The following RYR3 variants were observed in gnomAD, a reference collection of about 807,000 sequenced individuals.
The protein encoded by RYR3 is ryanodine receptor 3, also known as brain ryanodine receptor-calcium release channel.
A neutral mutation model predicts 584.3 loss-of-function variants in RYR3; 207 were observed. That is an observed-to-expected ratio of 0.35 (90% CI 0.32 to 0.40). RYR3 has a LOEUF of 0.40. RYR3 is among the 10% of genes least tolerant of loss of function. RYR3 has a pLI of 1.00. For synonymous variants in RYR3, 2,416 were observed against 2,248.5 expected (o/e 1.07, Z -2.11); for missense variants, 5,616 against 6,089.2 (o/e 0.92, Z 2.59).
chr15:33,473,436 C>T lies in RYR3; in HGVS notation c.69C>T (p.Leu23=), dbSNP rs764265026. 1 of 1,613,886 alleles carries T rather than the reference C, an allele frequency of 6.2e-7. No individual in the cohort carries two copies. The highest frequency in any genetic ancestry group is 8.5e-7 in the Non-Finnish European group (1 of 1,179,854). Residue 23 remains leucine, a synonymous_variant, in exon 2 of 104, where the codon CTC becomes CTT. Transcript: ENST00000634891. ...QFLRTEDEVV[L]QCIATIHKEQ... is the part of the protein sequence containing the mutation. ...CCTGGCAGGAGGATGAAGTGGTACT[C>T]CAGTGCATCGCCACCATTCATAAGG... is the stretch of plus-strand genomic sequence containing the variant.
intron 1 of RYR3, among the ~76,000 whole-genome samples, chr15:33,420,248 A>G (rs969631994): frequency 6.6e-6 from 1 of 152,166 alleles, no homozygotes; most frequent in African/African-American, 2.4e-5. Flanking sequence ...GCAAAGCTTA[A>G]AAAGAAAATA....
chr15:33,850,689 C>T (rs2079041714), intron 94 of RYR3: 1 of 151,720 alleles, frequency 6.6e-6, no homozygotes, highest in African/African-American at 2.4e-5. Context: ...GTTAAGCACA[C>T]ATAAGAACAT....
intron 23 of RYR3, among the ~76,000 whole-genome samples, chr15:33,632,391 A>G (rs888571920): frequency 4.6e-5 from 7 of 152,248 alleles, no homozygotes; most frequent in African/African-American, 1.7e-4. Context: ...GTCAACTTAC[A>G]GACATTTGAG....
rs144888707 is a variant in RYR3, at chr15:33,388,632, T to C, written c.51+77536T>C. On this transcript the variant is annotated intron_variant, in intron 1 of 103. Coordinates refer to ENST00000634891, the MANE Select transcript of RYR3 (RefSeq NM_001036.6). The stretch of plus-strand genomic sequence containing the variant: ...TGCTATAAAATAAAGGAAATAGAGC[T>C]ACGCTATACCATTGGCTTCTAAGAG... Among the ~76,000 whole-genome samples, 62 of 152,318 alleles carry C rather than the reference T, an allele frequency of 4.1e-4. No individual in the cohort carries two copies. In the East Asian group the frequency reaches 0.012, roughly 29 times the overall value.
chr15:33,695,966 T>A (rs2065825529), intron 38 of RYR3, among the ~76,000 whole-genome samples: 1 of 112,852 alleles, frequency 8.9e-6, no homozygotes, highest in African/African-American at 2.8e-5. Flanking sequence ...TTTTTTTTTT[T>A]TTTTTTTTGG....
chr15:33,802,888 G>A (rs1173549677), intron 69 of RYR3, among the ~76,000 whole-genome samples: 2 of 152,182 alleles, frequency 1.3e-5, no homozygotes, highest in Admixed American at 6.5e-5. Flanking sequence ...AGTGTGCATG[G>A]GGACCCTCAG....
chr15:33,819,711 T>TA (rs755361311), intron 76 of RYR3, 45 bp from the exon 77 acceptor site: 1 of 882,342 alleles, frequency 1.1e-6, no homozygotes, highest in East Asian at 3.2e-5. Context: ...AATAAATAAA[T>TA]AAATAAATAA....
At position 33,860,731 on chromosome 15, in the gene RYR3, T is replaced by C. The variant is rs1039191582; in HGVS notation, c.14364+72T>C. 3 of 1,137,280 alleles carry C rather than the reference T, an allele frequency of 2.6e-6. No homozygotes were observed. In the African/African-American group the frequency reaches 4.7e-5, roughly 18 times the overall value. 70.4% of individuals were successfully genotyped at this position (1,137,280 alleles called of 1,614,324 possible). On this transcript the variant is annotated intron_variant, in intron 101 of 103. Transcript: ENST00000634891. Reference sequence around the variant, plus strand: ...AGAAGCAAATAGATTTTTTAAACAATAGGTTTTACTATTACTTAGGGCCAG... The same window carrying C: ...AGAAGCAAATAGATTTTTTAAACAACAGGTTTTACTATTACTTAGGGCCAG...
chr15:33,597,069 A>C (rs544282205), intron 16 of RYR3, among the ~76,000 whole-genome samples: 124 of 152,368 alleles, frequency 8.1e-4, no homozygotes, highest in African/African-American at 2.9e-3. Context: ...TACTAAATTC[A>C]AGATACAACT....
chr15:33,544,097 C>T (rs563585955), intron 8 of RYR3, among the ~76,000 whole-genome samples: 1 of 152,218 alleles, frequency 6.6e-6, no homozygotes, highest in Non-Finnish European at 1.5e-5. Flanking sequence ...AAACTGATGT[C>T]CAGCTGGAGC....
At chr15:33,863,264 G>GTATC (rs1473374694) in intron 102 of RYR3, among the ~76,000 whole-genome samples, 4 of 152,144 alleles carry the variant, frequency 2.6e-5, no homozygotes, top group African/African-American at 9.7e-5. Flanking sequence ...CAGCCCCTAC[G>GTATC]TATCAAACAG....
chr15:33,415,451 A>G (rs1012085713), intron 1 of RYR3, among the ~76,000 whole-genome samples: 2 of 152,104 alleles, frequency 1.3e-5, no homozygotes, highest in Non-Finnish European at 2.9e-5. Context: ...TAAAGATTCC[A>G]TATGTTCCAC....
At chr15:33,401,616 T>C (rs1182215487) in intron 1 of RYR3, among the ~76,000 whole-genome samples, 1 of 152,200 alleles carries the variant, frequency 6.6e-6, no homozygotes, top group East Asian at 1.9e-4. Context: ...CAAAACAGTA[T>C]GTGAACATGA....
At chr15:33,463,157 C>T (rs1366612994) in intron 1 of RYR3, among the ~76,000 whole-genome samples, 1 of 151,476 alleles carries the variant, frequency 6.6e-6, no homozygotes, top group Non-Finnish European at 1.5e-5. Context: ...GAGTGAGACC[C>T]TATCTCAAAA....
rs1264677790 is a variant in RYR3 at position 33,333,110 on chromosome 15, AC to A, written c.51+22015del. On this transcript the variant is annotated intron_variant, in intron 1 of 103. Coordinates refer to ENST00000634891, the MANE Select transcript of RYR3 (RefSeq NM_001036.6). ...AAAAAGCCCAGGACAAGATGGATTC[AC>A]AGCTGAATTCTGCCAGATGTACAAA... Among the ~76,000 whole-genome samples the A allele has an allele frequency of 8.7e-5, 13 of 150,144 alleles. No homozygotes were observed. In the East Asian group the frequency reaches 2.4e-3, roughly 27 times the overall value.
Position 33,865,287 on chromosome 15 carries a change from T to TAC in RYR3, c.*61_*62insAC. The TAC allele has an allele frequency of 8.4e-7, 1 of 1,192,490 alleles. No homozygotes were observed. The allele number at this position is 1,192,490 out of a possible 1,614,324, so 73.9% of individuals were successfully genotyped here. On this transcript the variant is annotated 3_prime_UTR_variant, in exon 104 of 104. Transcript: ENST00000634891. ...CAACTTCCCATGAAATAAAGTCCCC[T>TAC]TTTTACAGTTCTGCAACATATCTGA...
intron 16 of RYR3, among the ~76,000 whole-genome samples, chr15:33,588,107 T>C (rs1033519427): frequency 6.6e-6 from 1 of 152,236 alleles, no homozygotes; most frequent in Non-Finnish European, 1.5e-5. Context: ...TATTTTGCAC[T>C]TAACAAATGC....
Position 33,827,302 on chromosome 15 carries a change from CT to C in RYR3, c.11334+17del. The C allele has an allele frequency of 6.5e-7, 1 of 1,549,708 alleles. No homozygotes were observed. Among genetic ancestry groups the C allele is most frequent in the East Asian group, 2.4e-5 (1 of 40,934 alleles). On this transcript the variant is annotated intron_variant, in intron 85 of 103. Transcript: ENST00000634891. ...TGCGTCTGCAGGTGAGTGGGAGGGC[CT>C]TGGACAATGGGACCTCTCACCTTTG...
intron 16 of RYR3, among the ~76,000 whole-genome samples, chr15:33,594,504 G>A (rs1436171716): frequency 3.3e-5 from 5 of 152,148 alleles, no homozygotes; most frequent in Non-Finnish European, 7.4e-5. Flanking sequence ...AGCAACATTT[G>A]AAGCAAAAAG....
Sources: gnomAD v4.1 joint callset for allele counts (sites outside exome capture counted in the v4.1 genomes callset) on GRCh38, gnomAD v4.1.1 for gene constraint, MANE v1.5 for transcripts, NCBI Gene and HGNC (gene_info 2026-07-23, HGNC 2026-07-21) for gene names.